Variants in HS6ST3 observed in about 807,000 individuals in gnomAD.
HS6ST3 encodes heparan-sulfate 6-O-sulfotransferase 3.
A neutral mutation model predicts 36.7 loss-of-function variants in HS6ST3; 12 were observed. That is an observed-to-expected ratio of 0.33 (90% CI 0.21 to 0.53). HS6ST3 has a LOEUF of 0.53. Ranked by LOEUF, HS6ST3 falls within the 20% of genes least tolerant of loss-of-function variation. The probability of loss-of-function intolerance (pLI) is 0.95; values close to 1 mark genes in which losing one functional copy is unlikely to be tolerated. For synonymous variants in HS6ST3, 240 were observed against 257.5 expected (o/e 0.93, Z 0.65); for missense variants, 584 against 640.9 (o/e 0.91, Z 0.96).
At chr13:96,762,080 A>G (rs567459899) in intron 1 of HS6ST3, among the ~76,000 whole-genome samples, 9 of 152,198 alleles carry the variant, frequency 5.9e-5, no homozygotes, top group Middle Eastern at 6.8e-3. Flanking sequence ...ACATATACGT[A>G]TATGTGTAAA....
chr13:96,277,474 T>G (rs1373016857), intron 1 of HS6ST3, among the ~76,000 whole-genome samples: 1 of 152,200 alleles, frequency 6.6e-6, no homozygotes, highest in Non-Finnish European at 1.5e-5. Flanking sequence ...AGAGCTTCTG[T>G]GCTACTAAGT....
chr13:96,407,027 TA>T (rs2055482098), intron 1 of HS6ST3, among the ~76,000 whole-genome samples: 1 of 152,262 alleles, frequency 6.6e-6, no homozygotes, highest in African/African-American at 2.4e-5. Flanking sequence ...ATATTTGTAT[TA>T]ACATCTTATA....
chr13:96,306,617 A>G (rs2054915311), intron 1 of HS6ST3, among the ~76,000 whole-genome samples: 1 of 152,114 alleles, frequency 6.6e-6, no homozygotes. Context: ...TATCCTTTCC[A>G]GGAAGACCAG....
intron 1 of HS6ST3, among the ~76,000 whole-genome samples, chr13:96,425,167 T>C (rs2055580482): frequency 6.6e-6 from 1 of 152,184 alleles, no homozygotes; most frequent in African/African-American, 2.4e-5. Flanking sequence ...CTCTTCTCTG[T>C]CAAATGGGAA....
chr13:96,603,329 G>A (rs2056428123), intron 1 of HS6ST3, among the ~76,000 whole-genome samples: 2 of 152,272 alleles, frequency 1.3e-5, no homozygotes, highest in South Asian at 4.1e-4. Flanking sequence ...GAATTATACA[G>A]TATTTGTTCT....
At chr13:96,491,472 C>A (rs79886508) in intron 1 of HS6ST3, among the ~76,000 whole-genome samples, 929 of 123,206 alleles carry the variant, frequency 7.5e-3, no homozygotes, top group Admixed American at 8.7e-3. Flanking sequence ...TACTAATGTG[C>A]AAAAAAAAAA....
At chr13:96,532,484 A>C (rs2056139604) in intron 1 of HS6ST3, among the ~76,000 whole-genome samples, 1 of 152,214 alleles carries the variant, frequency 6.6e-6, no homozygotes, top group Non-Finnish European at 1.5e-5. Context: ...GGACTGGTTC[A>C]CAAGGAGTAG....
intron 1 of HS6ST3, among the ~76,000 whole-genome samples, chr13:96,093,259 G>A (rs746192921): frequency 2.0e-5 from 3 of 152,122 alleles, no homozygotes; most frequent in Non-Finnish European, 4.4e-5. Flanking sequence ...AAAAGTCTTA[G>A]TAAATAGATG....
chr13:96,576,925 C>G (rs1441434170), intron 1 of HS6ST3, among the ~76,000 whole-genome samples: 2 of 103,158 alleles, frequency 1.9e-5, no homozygotes, highest in African/African-American at 4.0e-5. Context: ...GTCTGGGAAA[C>G]AGAGTGAGAC....
At chr13:96,810,147 C>T (rs941960984) in intron 1 of HS6ST3, among the ~76,000 whole-genome samples, 2 of 152,158 alleles carry the variant, frequency 1.3e-5, no homozygotes, top group African/African-American at 4.8e-5. Context: ...CTGTGAGGCA[C>T]CCCAGCCTCC....
chr13:96,535,812 C>CCAGACAGTG (rs1486906357), intron 1 of HS6ST3, among the ~76,000 whole-genome samples: 1 of 152,044 alleles, frequency 6.6e-6, no homozygotes, highest in Non-Finnish European at 1.5e-5. Flanking sequence ...GTGTTCATTG[C>CCAGACAGTG]CAGACAGTGA....
intron 1 of HS6ST3, among the ~76,000 whole-genome samples, chr13:96,242,177 C>G (rs987526211): frequency 6.6e-6 from 1 of 151,842 alleles, no homozygotes; most frequent in Non-Finnish European, 1.5e-5. Context: ...TTCCTCCTTT[C>G]AACAGCCCCT....
At chr13:96,373,140 T>C (rs1469922422) in intron 1 of HS6ST3, among the ~76,000 whole-genome samples, 1 of 152,170 alleles carries the variant, frequency 6.6e-6, no homozygotes. Flanking sequence ...CCTTCGTACA[T>C]CTCTTATAAG....
intron 1 of HS6ST3, among the ~76,000 whole-genome samples, chr13:96,258,967 G>A (rs187659645): frequency 8.2e-4 from 125 of 152,230 alleles, no homozygotes; most frequent in Middle Eastern, 3.4e-3. Context: ...TCTAACTGGG[G>A]AGAGCTTCAC....
At chr13:96,794,619 G>A (rs1566455486) in intron 1 of HS6ST3, among the ~76,000 whole-genome samples, 1 of 151,862 alleles carries the variant, frequency 6.6e-6, no homozygotes, top group African/African-American at 2.4e-5. Flanking sequence ...CATTTTTTGG[G>A]CTGATAATTG....
intron 1 of HS6ST3, among the ~76,000 whole-genome samples, chr13:96,769,752 G>A (rs1038868411): frequency 6.7e-6 from 1 of 149,620 alleles, no homozygotes; most frequent in South Asian, 2.1e-4. Context: ...GTGTGTGTGT[G>A]TGTGTGTGTG....
chr13:96,600,359 C>CACACACACAT (rs1491444389), intron 1 of HS6ST3, among the ~76,000 whole-genome samples: 6 of 120,250 alleles, frequency 5.0e-5, no homozygotes, highest in Admixed American at 8.4e-5. Flanking sequence ...CACACACACA[C>CACACACACAT]ATATATATAT....
chr13:96,381,189 T>G (rs752879563), intron 1 of HS6ST3, among the ~76,000 whole-genome samples: 2 of 152,220 alleles, frequency 1.3e-5, no homozygotes, highest in Non-Finnish European at 2.9e-5. Context: ...TCTTTCACTT[T>G]GTACGCTCAG....
intron 1 of HS6ST3, among the ~76,000 whole-genome samples, chr13:96,780,815 A>G (rs574809283): frequency 1.4e-4 from 22 of 152,158 alleles, no homozygotes; most frequent in Non-Finnish European, 2.5e-4. Context: ...CTAGCTGCAC[A>G]TGTGTCTATG....
Sources: gnomAD v4.1 joint callset for allele counts (sites outside exome capture counted in the v4.1 genomes callset) on GRCh38, gnomAD v4.1.1 for gene constraint, MANE v1.5 for transcripts, NCBI Gene and HGNC (gene_info 2026-07-23, HGNC 2026-07-21) for gene names.